The following CACNB4 variants were observed in gnomAD, a reference collection of about 807,000 sequenced individuals.
CACNB4 encodes the protein voltage-dependent L-type calcium channel subunit beta-4.
In CACNB4, 32 loss-of-function variants were observed where a neutral mutation model predicts 71.2. The ratio of observed to expected loss-of-function variants is 0.45; its 90% CI spans 0.34 to 0.60. The LOEUF (loss-of-function observed/expected upper bound fraction) is 0.60, where lower values mean the gene tolerates loss of function less well. Among genes scored for constraint, CACNB4 ranks in the 20% least tolerant of loss-of-function variants. The probability of loss-of-function intolerance (pLI) is 0.01; values close to 1 mark genes in which losing one functional copy is unlikely to be tolerated. For synonymous variants in CACNB4, 231 were observed against 236.9 expected (o/e 0.97, Z 0.23); for missense variants, 464 against 647.9 (o/e 0.72, Z 3.08).
intron 2 of CACNB4, among the ~76,000 whole-genome samples, chr2:151,999,005 A>G (rs1202560137): frequency 1.3e-5 from 2 of 152,108 alleles, no homozygotes; most frequent in Non-Finnish European, 2.9e-5. Context: ...AGGGACTCAC[A>G]CCCCGGGGCT....
intron 2 of CACNB4, among the ~76,000 whole-genome samples, chr2:151,934,950 T>A (rs1179888626): frequency 6.6e-6 from 1 of 152,196 alleles, no homozygotes; most frequent in Non-Finnish European, 1.5e-5. Flanking sequence ...AACACACACA[T>A]CCACTATGAA....
At chr2:151,867,908 A>G (rs2099843592) in intron 9 of CACNB4, 1 of 152,232 alleles carries the variant, frequency 6.6e-6, no homozygotes, top group Admixed American at 6.5e-5. Context: ...TCAGACTGTT[A>G]AGTGAGCAAT....
intron 2 of CACNB4, among the ~76,000 whole-genome samples, chr2:151,908,136 G>A (rs962294607): frequency 1.3e-5 from 2 of 152,308 alleles, no homozygotes; most frequent in East Asian, 1.9e-4. Context: ...AGGGCCCAGG[G>A]AAAAGGAACA....
chr2:151,915,340 A>C lies in CACNB4; in HGVS notation c.148-31970T>G, dbSNP rs2099857180. 2.0e-5 allele frequency among the ~76,000 whole-genome samples: 3 copies of C among 152,178 alleles called. No homozygotes were observed. In the South Asian group the frequency reaches 6.2e-4, roughly 31 times the overall value. On this transcript the variant is annotated intron_variant, in intron 2 of 13. Transcript: ENST00000539935. Reference sequence around the variant, plus strand: ...GCCTCCCTGGCTCCAGCAGGGAAAAAGTACAGCCTGGACGTATAGAAATGG... The same window carrying C: ...GCCTCCCTGGCTCCAGCAGGGAAAACGTACAGCCTGGACGTATAGAAATGG...
chr2:151,846,719 A>T (rs1472244246), intron 12 of CACNB4, among the ~76,000 whole-genome samples: 1 of 151,908 alleles, frequency 6.6e-6, no homozygotes, highest in Admixed American at 6.6e-5. Flanking sequence ...CATCCAGCTA[A>T]TTTTTTGTAG....
chr2:151,956,589 A>G (rs1238300932), intron 2 of CACNB4, among the ~76,000 whole-genome samples: 1 of 152,172 alleles, frequency 6.6e-6, no homozygotes, highest in African/African-American at 2.4e-5. Flanking sequence ...AAAATGTTCT[A>G]AATTGGTCGT....
chr2:151,979,472 A>T (rs1390999100), intron 2 of CACNB4, among the ~76,000 whole-genome samples: 1 of 152,090 alleles, frequency 6.6e-6, no homozygotes. Context: ...AAAAAAAAAA[A>T]AGAGCCAATC....
intron 2 of CACNB4, among the ~76,000 whole-genome samples, chr2:152,026,455 G>C (rs1683979590): frequency 6.6e-6 from 1 of 151,246 alleles, no homozygotes; most frequent in Non-Finnish European, 1.5e-5. Context: ...TGCCATCTCT[G>C]CTCACTGCAA....
intron 2 of CACNB4, among the ~76,000 whole-genome samples, chr2:151,909,887 T>C (rs909102990): frequency 3.9e-5 from 6 of 152,234 alleles, no homozygotes; most frequent in Admixed American, 2.0e-4. Flanking sequence ...TGTGTCTTTA[T>C]AGTAGAATGA....
In CACNB4 at chr2:151,924,071, A is replaced by G. The variant is rs990067642; in HGVS notation, c.148-40701T>C. Among the ~76,000 whole-genome samples the G allele has an allele frequency of 4.0e-4, 38 of 94,686 alleles. 1 individual carries two copies. The East Asian group carries it at 9.0e-3, about 22-fold the overall frequency. The allele number at this position is 94,686 out of a possible 152,430, so 62.1% of individuals were successfully genotyped here. ...ATACGTGCGTGTAATCTATTCTGAA[A>G]TCTTTTTTTTTTTTTTTTTTTTTTT... On this transcript the variant is annotated intron_variant, in intron 2 of 13. Transcript: ENST00000539935.
At chr2:151,847,739 AG>A (rs1457543370) in intron 12 of CACNB4, among the ~76,000 whole-genome samples, 1 of 152,164 alleles carries the variant, frequency 6.6e-6, no homozygotes, top group Non-Finnish European at 1.5e-5. Flanking sequence ...TACAAAAATT[AG>A]CTGGGTGTGG....
chr2:151,987,201 TAC>T (rs1184499413), intron 2 of CACNB4, among the ~76,000 whole-genome samples: 1 of 152,254 alleles, frequency 6.6e-6, no homozygotes, highest in African/African-American at 2.4e-5. Context: ...TGAGCACTAC[TAC>T]ACCAACCACC....
At chr2:152,000,465 A>C (rs997865074) in intron 2 of CACNB4, among the ~76,000 whole-genome samples, 1 of 152,228 alleles carries the variant, frequency 6.6e-6, no homozygotes, top group Non-Finnish European at 1.5e-5. Flanking sequence ...AAACCTGTGA[A>C]GGGCTTGGAA....
chr2:152,099,161 G>A (rs1001593480), upstream of CACNB4: 5 of 526,036 alleles, frequency 9.5e-6, no homozygotes, highest in African/African-American at 6.1e-5. Flanking sequence ...CCCGCACTTC[G>A]GAGAGCGCGG....
In CACNB4 at chr2:152,098,384, G is replaced by C. The variant is rs770192132; in HGVS notation, c.93C>G (p.Ser31Arg). 1 of 1,613,700 alleles carries C rather than the reference G, an allele frequency of 6.2e-7. No individual in the cohort carries two copies. Among genetic ancestry groups the C allele is most frequent in the Non-Finnish European group, 8.5e-7 (1 of 1,179,656 alleles). Reference sequence around the variant, plus strand: ...TGCTGCCATCGGATCTTTTCAACCTGCTCCTCCGGGTTGTGGTGCCTCGGG... The same window carrying C: ...TGCTGCCATCGGATCTTTTCAACCTCCTCCTCCGGGTTGTGGTGCCTCGGG... ...QVARGTTTRR[S>R]RLKRSDGSTT... Residue 31 changes from serine (S) to arginine (R), a missense_variant, in exon 2 of 14, where the codon AGC (serine) becomes AGG (arginine). This residue lies in a region of CACNB4 where 50 missense variants were observed against 47.5 expected (regional missense o/e 1.05). Transcript: ENST00000539935. This position sits in a 1 kb window ranked among gnomAD's most constrained non-coding sequence, Gnocchi z 5.3.
chr2:151,976,889 CA>C, intron 2 of CACNB4, among the ~76,000 whole-genome samples: 2 of 152,190 alleles, frequency 1.3e-5, no homozygotes. Flanking sequence ...TGGATTCCAG[CA>C]AGTTCAAGTT....
chr2:152,092,780 G>T (rs1313671753), intron 2 of CACNB4, among the ~76,000 whole-genome samples: 1 of 151,372 alleles, frequency 6.6e-6, no homozygotes, highest in Admixed American at 6.6e-5. Flanking sequence ...AGACCCCAGT[G>T]GATGCCTGGA....
At chr2:151,944,244 T>G (rs1158857445) in intron 2 of CACNB4, among the ~76,000 whole-genome samples, 1 of 152,078 alleles carries the variant, frequency 6.6e-6, no homozygotes, top group African/African-American at 2.4e-5. Context: ...TTCGCTTTGT[T>G]GCCCAGGCTT....
chr2:151,942,153 A>G (rs2099864431), intron 2 of CACNB4, among the ~76,000 whole-genome samples: 1 of 142,064 alleles, frequency 7.0e-6, no homozygotes, highest in Admixed American at 6.7e-5. Context: ...CAGGATGCCT[A>G]CCACTGTAAC....
Sources: allele counts gnomAD v4.1 joint callset (sites outside exome capture counted in the v4.1 genomes callset), GRCh38; gene constraint gnomAD v4.1.1; regional missense constraint gnomAD v4.1.1; non-coding constraint Gnocchi (gnomAD v3.1); transcripts MANE v1.5; gene names NCBI Gene and HGNC (gene_info 2026-07-23, HGNC 2026-07-21).